ZNF124: variants seen among roughly 807,000 people sequenced by gnomAD.
ZNF124 encodes zinc finger protein HZF-16.
In ZNF124, 25 loss-of-function variants were observed where a neutral mutation model predicts 26.6. That is an observed-to-expected ratio of 0.94 (90% CI 0.68 to 1.31). ZNF124 has a LOEUF of 1.31. Ranked by LOEUF, ZNF124 falls within the 40% of genes most tolerant of loss-of-function variation. The probability of loss-of-function intolerance (pLI) is 0.00; values close to 1 mark genes in which losing one functional copy is unlikely to be tolerated. For missense variants in ZNF124, 444 were observed against 422.2 expected (o/e 1.05, Z -0.45); for synonymous variants, 129 against 133.3 (o/e 0.97, Z 0.22).
In ZNF124 at chr1:247,157,188, G is replaced by C; in HGVS notation, c.434C>G (p.Thr145Ser). 6.2e-7 allele frequency: 1 copy of C among 1,614,084 alleles called. No individual in the cohort carries two copies. Among genetic ancestry groups the C allele is most frequent in the Non-Finnish European group, 8.5e-7 (1 of 1,179,908 alleles). ...SSFQIHQRNH[T>S]GEKPYECMEC... The stretch of plus-strand genomic sequence containing the variant: ...CATACATTCATAGGGTTTCTCTCCA[G>C]TGTGATTTCTCTGATGTATCTGAAA... The change falls in exon 4 of 4, where the codon ACT becomes AGT. Residue 145 changes from threonine to serine, a missense_variant. Thr to Ser is a moderately conservative substitution (Grantham distance 58). Coordinates refer to ENST00000543802, the MANE Select transcript of ZNF124 (RefSeq NM_001297568.2).
At chr1:247,170,332 ATGT>A (rs1217599555) in intron 1 of ZNF124, among the ~76,000 whole-genome samples, 1 of 151,036 alleles carries the variant, frequency 6.6e-6, no homozygotes, top group East Asian at 1.9e-4. Flanking sequence ...ATAATTAATA[ATGT>A]TGTAAATTGG....
Position 247,159,789 on chromosome 1 carries a change from C to T in ZNF124, c.55G>A (p.Ala19Thr), listed in dbSNP as rs745652523. 2 of 1,613,492 alleles carry T rather than the reference C, an allele frequency of 1.2e-6. No individual in the cohort carries two copies. Among genetic ancestry groups the T allele is most frequent in the South Asian group, 2.2e-5 (2 of 90,990 alleles). ...CACTCCTCCTGGGTGAAGTTCACAG[C>T]CACATCCTCAAAGGCAACCGAGTTC... The part of the protein sequence containing the change: ...EMNSVAFEDV[A>T]VNFTQEEWAL... Residue 19 changes from alanine to threonine, a missense_variant, in exon 2 of 4, where the codon GCT becomes ACT. Ala to Thr is a moderately conservative substitution (Grantham distance 58). Coordinates refer to ENST00000543802, the MANE Select transcript of ZNF124 (RefSeq NM_001297568.2).
At chr1:247,140,593 G>T (rs10924928) in intron 3 of ZNF124, among the ~76,000 whole-genome samples, 4 of 152,042 alleles carry the variant, frequency 2.6e-5, no homozygotes, top group African/African-American at 9.7e-5. Flanking sequence ...CATGTCTGCA[G>T]GTGGGTGTTC....
chr1:247,148,266 G>T (rs1019275130), intron 3 of ZNF124, among the ~76,000 whole-genome samples: 6 of 152,192 alleles, frequency 3.9e-5, no homozygotes, highest in Non-Finnish European at 7.3e-5. Context: ...TTGGGTAAGA[G>T]AATTTGCTAC....
At chr1:247,162,619 A>G (rs1365967476) in intron 1 of ZNF124, among the ~76,000 whole-genome samples, 1 of 91,834 alleles carries the variant, frequency 1.1e-5, no homozygotes, top group African/African-American at 6.0e-5. Flanking sequence ...AACCCTTGGC[A>G]AAAAAAAAAA....
intron 3 of ZNF124, among the ~76,000 whole-genome samples, chr1:247,134,102 A>C (rs1672431651): frequency 6.6e-6 from 1 of 152,228 alleles, no homozygotes; most frequent in Non-Finnish European, 1.5e-5. Context: ...CTCCTGAAAG[A>C]AGCACTAAAT....
At chr1:247,143,563 C>T (rs1247860878) in intron 3 of ZNF124, among the ~76,000 whole-genome samples, 1 of 152,216 alleles carries the variant, frequency 6.6e-6, no homozygotes. Context: ...AAGCTTTGAA[C>T]TGGGAACCCT....
At chr1:247,161,093 C>A (rs1322097140) in intron 1 of ZNF124, among the ~76,000 whole-genome samples, 1 of 152,206 alleles carries the variant, frequency 6.6e-6, no homozygotes, top group Admixed American at 6.5e-5. Flanking sequence ...AACTACTTTT[C>A]AAAACCTACA....
intron 3 of ZNF124, among the ~76,000 whole-genome samples, chr1:247,145,101 G>C (rs533192588): frequency 6.6e-6 from 1 of 152,152 alleles, no homozygotes; most frequent in East Asian, 1.9e-4. Context: ...CAGGTAGTCA[G>C]TGTGGAATCT....
intron 1 of ZNF124, among the ~76,000 whole-genome samples, chr1:247,163,198 TG>T (rs1045308857): frequency 6.6e-6 from 1 of 151,774 alleles, no homozygotes; most frequent in Non-Finnish European, 1.5e-5. Flanking sequence ...TCAAAAACTT[TG>T]AAAAGATCTC....
chr1:247,159,225 T>C (rs1040477911), intron 2 of ZNF124, among the ~76,000 whole-genome samples, 159 bp from the exon 3 acceptor site: 1 of 152,242 alleles, frequency 6.6e-6, no homozygotes, highest in Non-Finnish European at 1.5e-5. Context: ...TGGGTACAGA[T>C]TCCTTATTAA....
chr1:247,152,213 T>C (rs1199870874), downstream of ZNF124, among the ~76,000 whole-genome samples: 3 of 151,538 alleles, frequency 2.0e-5, no homozygotes, highest in Non-Finnish European at 4.4e-5. Context: ...AATAGAGTAT[T>C]GCTGCCCACA....
rs138254437 is a variant in ZNF124 at position 247,143,391 on chromosome 1, C to G, written c.218+15615G>C. Among the ~76,000 whole-genome samples, 588 of 152,264 alleles carry G rather than the reference C, an allele frequency of 3.9e-3. 3 individuals carry two copies. The highest frequency in any genetic ancestry group is 6.8e-3 in the Non-Finnish European group (463 of 68,020). The stretch of plus-strand genomic sequence containing the variant: ...AGGCACACACTGCTCTACAGCCCTA[C>G]CACACAGGCTTAACCGAGAATTTGA... On this transcript the variant is annotated intron_variant, in intron 3 of 3. Transcript: ENST00000472531.
At chr1:247,157,605 ATTTTC>A (rs1328688371) in intron 3 of ZNF124, 2 of 605,520 alleles carry the variant, frequency 3.3e-6, no homozygotes, top group Admixed American at 6.0e-5. Context: ...TTTATTAGTT[ATTTTC>A]TTTTATTACT....
intron 2 of ZNF124, 63 bp from the exon 3 acceptor site, chr1:247,159,129 C>G (rs1270602103): frequency 5.4e-6 from 8 of 1,486,862 alleles, no homozygotes; most frequent in Admixed American, 1.9e-5. Flanking sequence ...TTACTAGACT[C>G]TAGGTGCTAT....
intron 3 of ZNF124, among the ~76,000 whole-genome samples, chr1:247,140,909 G>C (rs1281070774): frequency 6.6e-6 from 1 of 152,138 alleles, no homozygotes; most frequent in East Asian, 1.9e-4. Context: ...CTTGAATGCT[G>C]GCTATAAATT....
chr1:247,147,019 G>C, intron 3 of ZNF124, among the ~76,000 whole-genome samples: 1 of 152,012 alleles, frequency 6.6e-6, no homozygotes. Context: ...AAATTTGGGG[G>C]GAGTTAGTAG....
chr1:247,133,746 C>T lies in ZNF124; in HGVS notation c.219-9875G>A, dbSNP rs191620241. On this transcript the variant is annotated intron_variant, in intron 3 of 3. Transcript: ENST00000472531. ...TCAGCTCACTGCAACCTCCACCTCC[C>T]AGGTTCAAGCGATTCTCCCACCTCA... 6.5e-3 allele frequency among the ~76,000 whole-genome samples: 979 copies of T among 151,460 alleles called. 14 individuals are homozygous for T. Among genetic ancestry groups the T allele is most frequent in the African/African-American group, 0.022 (916 of 41,168 alleles).
intron 3 of ZNF124, 89 bp from the exon 4 acceptor site, chr1:247,157,492 T>A: frequency 1.5e-6 from 2 of 1,319,938 alleles, no homozygotes; most frequent in Non-Finnish European, 2.1e-6. Flanking sequence ...TTGTTCAGAT[T>A]AAAATTTGGC....
Sources: allele counts gnomAD v4.1 joint callset (sites outside exome capture counted in the v4.1 genomes callset), GRCh38; gene constraint gnomAD v4.1.1; transcripts MANE v1.5; gene names NCBI Gene and HGNC (gene_info 2026-07-23, HGNC 2026-07-21).